RNF175: variants seen among roughly 807,000 people sequenced by gnomAD.
RNF175 encodes ring finger protein 175.
A neutral mutation model predicts 50.0 loss-of-function variants in RNF175; 38 were observed. That is an observed-to-expected ratio of 0.76 (90% CI 0.59 to 1.00). The LOEUF is 1.00. RNF175 is among the 50% of genes least tolerant of loss of function. RNF175 has a pLI of 0.00. For missense variants in RNF175, 388 were observed against 409.6 expected (o/e 0.95, Z 0.46); for synonymous variants, 155 against 146.1 (o/e 1.06, Z -0.44).
At chr4:153,742,803 A>G (rs61142363) in intron 3 of RNF175, among the ~76,000 whole-genome samples, 6,742 of 150,322 alleles carry the variant, frequency 0.045, 245 homozygotes, top group East Asian at 0.2. Flanking sequence ...ATATATAGTA[A>G]TTTTATGTAT....
chr4:153,718,238 G>GTTTTTTTTTTTTTTTTTTTTTTTTT (rs1430601897), intron 6 of RNF175, among the ~76,000 whole-genome samples: 2 of 82,126 alleles, frequency 2.4e-5, no homozygotes, highest in African/African-American at 4.8e-5. Context: ...TTGTTTGTTT[G>GTTTTTTTTTTTTTTTTTTTTTTTTT]TTTTTTTTTT....
At position 153,728,288 on chromosome 4, in the gene RNF175, G is replaced by T; in HGVS notation, c.320C>A (p.Ser107Tyr). ...AATAACGGAGAACATCCCCCACATA[G>T]ACAGAAACCGCCACCAGTATAATTT... ...TIKLYWWRFL[S>Y]MWGMFSVITS... is the part of the protein sequence containing the mutation. The change falls in exon 4 of 9, where the codon TCT becomes TAT. Residue 107 changes from serine (S) to tyrosine (Y), a missense_variant. Ser to Tyr is a moderately radical substitution (Grantham distance 144). Coordinates refer to ENST00000347063, the MANE Select transcript of RNF175 (RefSeq NM_173662.4). The T allele has an allele frequency of 6.2e-7, 1 of 1,613,530 alleles. No individual in the cohort carries two copies. Among genetic ancestry groups the T allele is most frequent in the Admixed American group, 1.7e-5 (1 of 60,030 alleles).
At chr4:153,727,585 C>T (rs1362100922) in intron 4 of RNF175, 1 of 152,110 alleles carries the variant, frequency 6.6e-6, no homozygotes, top group Non-Finnish European at 1.5e-5. Flanking sequence ...TATCTCATTC[C>T]AGTTTTATCA....
In RNF175 at chr4:153,710,313, A is replaced by C. The variant is rs879230743; in HGVS notation, c.*56T>G. 15 of 1,369,652 alleles carry C rather than the reference A, an allele frequency of 1.1e-5. No homozygotes were observed. In the Admixed American group the frequency reaches 2.9e-4, roughly 27 times the overall value. 84.8% of individuals were successfully genotyped at this position (1,369,652 alleles called of 1,614,324 possible). Reference sequence around the variant, plus strand: ...CTCTAAAATTAAAAAAATTAATATTAAATGTTGGACCAAGGATTTCAACCA... The same window carrying C: ...CTCTAAAATTAAAAAAATTAATATTCAATGTTGGACCAAGGATTTCAACCA... On this transcript the variant is annotated 3_prime_UTR_variant, in exon 9 of 9. Coordinates refer to ENST00000347063, the MANE Select transcript of RNF175 (RefSeq NM_173662.4).
intron 8 of RNF175, 78 bp from the exon 9 acceptor site, chr4:153,710,567 T>G (rs1050201217): frequency 6.7e-6 from 9 of 1,349,194 alleles, no homozygotes; most frequent in Non-Finnish European, 9.3e-6. Context: ...GCAAATATAA[T>G]AAACAATGTA....
At chr4:153,716,448 T>C (rs992295917) in intron 6 of RNF175, among the ~76,000 whole-genome samples, 1 of 152,224 alleles carries the variant, frequency 6.6e-6, no homozygotes, top group Non-Finnish European at 1.5e-5. Flanking sequence ...GCAATCACCA[T>C]TAGAAGGCAA....
chr4:153,710,818 T>A (rs1042779960), intron 8 of RNF175, among the ~76,000 whole-genome samples: 3 of 152,186 alleles, frequency 2.0e-5, no homozygotes, highest in Non-Finnish European at 4.4e-5. Flanking sequence ...TGGAAACTGC[T>A]CTAAATGAGC....
chr4:153,724,772 T>C (rs1182412894), intron 4 of RNF175, among the ~76,000 whole-genome samples: 3 of 152,062 alleles, frequency 2.0e-5, no homozygotes, highest in Non-Finnish European at 4.4e-5. Context: ...GCTCCTGAAA[T>C]GTGTTGTCAT....
chr4:153,733,023 T>C (rs1412302884), intron 3 of RNF175, among the ~76,000 whole-genome samples: 2 of 152,218 alleles, frequency 1.3e-5, no homozygotes, highest in Non-Finnish European at 2.9e-5. Flanking sequence ...TTTCTATACT[T>C]TATTTTCTAA....
intron 1 of RNF175, among the ~76,000 whole-genome samples, chr4:153,753,539 CTT>C (rs1469306518): frequency 7.5e-6 from 1 of 133,148 alleles, no homozygotes; most frequent in African/African-American, 2.7e-5. Context: ...GTGTTTTTAT[CTT>C]TTCTCTCTCT....
chr4:153,744,256 T>C (rs1703992410), intron 3 of RNF175, among the ~76,000 whole-genome samples: 1 of 152,044 alleles, frequency 6.6e-6, no homozygotes, highest in Admixed American at 6.6e-5. Flanking sequence ...ACCCCATCTC[T>C]ACTAAAAAAT....
chr4:153,751,300 A>G (rs1251618979), intron 2 of RNF175, 138 bp downstream of exon 2: 2 of 666,274 alleles, frequency 3.0e-6, no homozygotes, highest in Non-Finnish European at 5.3e-6. Context: ...TTTGGTCTGT[A>G]GTATTTGTGT....
In RNF175 at chr4:153,710,377, GC is replaced by G. The variant is rs1246825071; in HGVS notation, c.978del (p.Leu327TrpfsTer15). 6.4e-7 allele frequency: 1 copy of G among 1,553,822 alleles called. No individual in the cohort carries two copies. Among genetic ancestry groups the G allele is most frequent in the African/African-American group, 1.4e-5 (1 of 73,310 alleles). Reference sequence around the variant, plus strand: ...TTCTGGGGTCTGCTGTCCTATTCCAGCCCTAGTGAATAGATAATGCCTTGAA... The same window carrying G: ...TTCTGGGGTCTGCTGTCCTATTCCAGCCTAGTGAATAGATAATGCCTTGAA... ...GIVQGIIYSLGLE is the reference protein window; with the variant it reads ...GIVQGIIYSLXLE On this transcript the variant is annotated frameshift_variant, in exon 9 of 9. Coordinates refer to ENST00000347063, the MANE Select transcript of RNF175 (RefSeq NM_173662.4). LOFTEE classifies it high-confidence loss of function.
intron 1 of RNF175, among the ~76,000 whole-genome samples, chr4:153,757,379 C>T (rs569903138): frequency 5.7e-4 from 87 of 152,312 alleles, no homozygotes; most frequent in Admixed American, 9.1e-4. Context: ...TTCATTATCT[C>T]TCACCTGAAC....
At chr4:153,723,605 A>G in intron 4 of RNF175, 147 bp from the exon 5 acceptor site, 1 of 581,754 alleles carries the variant, frequency 1.7e-6, no homozygotes, top group Non-Finnish European at 3.1e-6. Flanking sequence ...AACACACAGA[A>G]CACAGATGTA....
At chr4:153,748,067 C>T (rs958257486) in intron 3 of RNF175, among the ~76,000 whole-genome samples, 47 of 152,160 alleles carry the variant, frequency 3.1e-4, no homozygotes, top group Non-Finnish European at 8.8e-5. Flanking sequence ...TAATTAATGG[C>T]ATTAATCCAT....
Position 153,710,298 on chromosome 4 carries a change from A to C in RNF175, c.*71T>G. ...AACACTTGGGATCATCTCTAAAATT[A>C]AAAAAATTAATATTAAATGTTGGAC... On this transcript the variant is annotated 3_prime_UTR_variant, in exon 9 of 9. Coordinates refer to ENST00000347063, the MANE Select transcript of RNF175 (RefSeq NM_173662.4). The C allele has an allele frequency of 3.2e-6, 4 of 1,261,282 alleles. No homozygotes were observed. Among genetic ancestry groups the C allele is most frequent in the Non-Finnish European group, 4.2e-6 (4 of 944,488 alleles). 78.1% of individuals were successfully genotyped at this position (1,261,282 alleles called of 1,614,324 possible). A position where few individuals can be genotyped will look rare whatever the true frequency, so the allele number is the denominator to read the frequency against.
intron 3 of RNF175, among the ~76,000 whole-genome samples, chr4:153,730,014 T>C (rs1738941224): frequency 6.6e-6 from 1 of 152,068 alleles, no homozygotes; most frequent in South Asian, 2.1e-4. Context: ...CATACACAAA[T>C]AGGAAAAACA....
chr4:153,725,094 GCTGCGTGGGGGAGTGGGCAGGGGTGAA>G (rs1738616336), intron 4 of RNF175, among the ~76,000 whole-genome samples: 41 of 142,728 alleles, frequency 2.9e-4, no homozygotes, highest in African/African-American at 5.6e-4. Context: ...GCAGGGGTGA[GCTGCGTGGGGGAGTGGGCAGGGGTGAA>G]CTGCGTGGGG....
Sources: allele counts gnomAD v4.1 joint callset (sites outside exome capture counted in the v4.1 genomes callset), GRCh38; gene constraint gnomAD v4.1.1; transcripts MANE v1.5; gene names NCBI Gene and HGNC (gene_info 2026-07-23, HGNC 2026-07-21).